FBXW11: variants seen among roughly 807,000 people sequenced by gnomAD.
The protein encoded by FBXW11 is F-box and WD repeat domain containing 11, also known as F-box/WD repeat-containing protein 11.
A neutral mutation model predicts 77.6 loss-of-function variants in FBXW11; 19 were observed. That is an observed-to-expected ratio of 0.24 (90% confidence interval 0.17 to 0.36). The LOEUF (loss-of-function observed/expected upper bound fraction) is 0.36, where lower values mean the gene tolerates loss of function less well. Ranked by LOEUF, FBXW11 falls within the 10% of genes least tolerant of loss-of-function variation. FBXW11 has a pLI of 1.00. For synonymous variants in FBXW11, 235 were observed against 249.4 expected (o/e 0.94, Z 0.54); for missense variants, 334 against 704.2 (o/e 0.47, Z 5.95).
chr5:171,964,215 C>T (rs1469933829), intron 1 of FBXW11, among the ~76,000 whole-genome samples: 2 of 152,224 alleles, frequency 1.3e-5, no homozygotes, highest in African/African-American at 4.8e-5. Context: ...CATACTCAGT[C>T]TAGGTCCTTT....
intron 2 of FBXW11, among the ~76,000 whole-genome samples, chr5:171,931,300 C>T (rs976390394): frequency 6.6e-6 from 1 of 152,192 alleles, no homozygotes; most frequent in Admixed American, 6.5e-5. Context: ...TACAAAACTA[C>T]AGTATTCACG....
chr5:171,870,897 C>A lies in FBXW11; in HGVS notation c.1341-39G>T, dbSNP rs770226444. 18 of 1,380,370 alleles carry A rather than the reference C, an allele frequency of 1.3e-5. No homozygotes were observed. In the East Asian group the frequency reaches 1.6e-4, roughly 12 times the overall value. 85.5% of individuals were successfully genotyped at this position (1,380,370 alleles called of 1,614,324 possible). On this transcript the variant is annotated intron_variant, in intron 10 of 13. Coordinates refer to ENST00000517395, the MANE Select transcript of FBXW11 (RefSeq NM_001378974.1). ...CAGACCTCTGTGAAACAAATTCCCA[C>A]ACACGATTCACACTATCCGTAAGTT...
intron 1 of FBXW11, among the ~76,000 whole-genome samples, chr5:171,960,139 G>A (rs1763830314): frequency 6.6e-6 from 1 of 152,200 alleles, no homozygotes; most frequent in African/African-American, 2.4e-5. Context: ...ACTTTGGGAG[G>A]CCGAGGTGGT....
rs753961974 is a variant in FBXW11 at position 171,925,431 on chromosome 5, CA to C, written c.148-11027del. ...TGTAAAAAACAAACAAACAAACAAA[CA>C]AAAAAAACAGTATCTGGCTAAAACG... On this transcript the variant is annotated intron_variant, in intron 2 of 13. Transcript: ENST00000517395. Among the ~76,000 whole-genome samples, 11 of 151,878 alleles carry C rather than the reference CA, an allele frequency of 7.2e-5. No homozygotes were observed. In the South Asian group the frequency reaches 1.0e-3, roughly 14 times the overall value.
chr5:171,987,320 A>G (rs562965971), intron 1 of FBXW11, among the ~76,000 whole-genome samples: 1 of 152,228 alleles, frequency 6.6e-6, no homozygotes, highest in Non-Finnish European at 1.5e-5. Flanking sequence ...CCAGATAGAC[A>G]ACAAACACCA....
At chr5:171,878,985 T>C (rs1758326338) in intron 7 of FBXW11, among the ~76,000 whole-genome samples, 1 of 152,130 alleles carries the variant, frequency 6.6e-6, no homozygotes, top group South Asian at 2.1e-4. Flanking sequence ...AATGAGAAAA[T>C]ATCATGCTTT....
At position 171,899,894 on chromosome 5, in the gene FBXW11, C is replaced by A; in HGVS notation, c.623+20G>T. Reference sequence around the variant, plus strand: ...TGTCAATAAAATTTTTTCAAGGGAACAAGCAACCCAAGTACTTACCACCCT... The same window carrying A: ...TGTCAATAAAATTTTTTCAAGGGAAAAAGCAACCCAAGTACTTACCACCCT... On this transcript the variant is annotated intron_variant, in intron 5 of 13. Coordinates refer to ENST00000517395, the MANE Select transcript of FBXW11 (RefSeq NM_001378974.1). The A allele has an allele frequency of 6.4e-7, 1 of 1,563,608 alleles. No individual in the cohort carries two copies. The highest frequency in any genetic ancestry group is 8.7e-7 in the Non-Finnish European group (1 of 1,153,528).
At chr5:171,952,420 TAC>T (rs1763373507) in intron 2 of FBXW11, among the ~76,000 whole-genome samples, 2 of 36,888 alleles carry the variant, frequency 5.4e-5, no homozygotes, top group African/African-American at 7.4e-5. Flanking sequence ...TGTGTGTACA[TAC>T]ATATATATAT....
intron 1 of FBXW11, among the ~76,000 whole-genome samples, chr5:171,998,991 G>GTA (rs1250749300): frequency 1.3e-5 from 2 of 152,038 alleles, no homozygotes; most frequent in African/African-American, 4.8e-5. Context: ...TGTTCATATT[G>GTA]TAGGTAAGGC....
intron 1 of FBXW11, among the ~76,000 whole-genome samples, chr5:171,989,651 G>T (rs143747352): frequency 6.6e-6 from 1 of 152,344 alleles, no homozygotes; most frequent in Non-Finnish European, 1.5e-5. Context: ...GCAAAGGAAG[G>T]AAAAGGGTAA....
At chr5:171,889,546 A>T (rs1191523924) in intron 7 of FBXW11, among the ~76,000 whole-genome samples, 1 of 130,532 alleles carries the variant, frequency 7.7e-6, no homozygotes, top group Non-Finnish European at 1.7e-5. Flanking sequence ...AAAAAAAAAA[A>T]AATTAAAATC....
At chr5:171,964,008 T>C (rs1329434167) in intron 1 of FBXW11, among the ~76,000 whole-genome samples, 1 of 152,172 alleles carries the variant, frequency 6.6e-6, no homozygotes, top group East Asian at 1.9e-4. Flanking sequence ...CTACAGACAA[T>C]GATGAGACAG....
At chr5:171,967,745 A>C (rs1310745400) in intron 1 of FBXW11, among the ~76,000 whole-genome samples, 1 of 151,658 alleles carries the variant, frequency 6.6e-6, no homozygotes, top group Admixed American at 6.6e-5. Flanking sequence ...AGGTTGAGGC[A>C]GGAGAATCGC....
intron 2 of FBXW11, among the ~76,000 whole-genome samples, chr5:171,944,927 C>T (rs546805817): frequency 3.6e-4 from 55 of 152,208 alleles, no homozygotes; most frequent in African/African-American, 1.3e-3. Context: ...CTTCACATTC[C>T]AGCTTATTAT....
At chr5:171,977,035 CAA>C (rs773469488) in intron 1 of FBXW11, among the ~76,000 whole-genome samples, 13 of 122,840 alleles carry the variant, frequency 1.1e-4, no homozygotes, top group Admixed American at 1.7e-4. Context: ...AACTCCAACT[CAA>C]AAAAAAAAAA....
intron 6 of FBXW11, among the ~76,000 whole-genome samples, chr5:171,898,629 T>G (rs573007193): frequency 2.4e-4 from 36 of 152,278 alleles, no homozygotes; most frequent in African/African-American, 8.7e-4. Flanking sequence ...AAACTTGAAA[T>G]GTGCCTTCTC....
intron 7 of FBXW11, among the ~76,000 whole-genome samples, chr5:171,889,804 C>T (rs1416669402): frequency 6.6e-6 from 1 of 151,990 alleles, no homozygotes; most frequent in Non-Finnish European, 1.5e-5. Context: ...AGGATAATCG[C>T]TCAAACCCGG....
intron 1 of FBXW11, among the ~76,000 whole-genome samples, chr5:171,992,246 A>G (rs936164276): frequency 5.3e-5 from 8 of 151,730 alleles, no homozygotes; most frequent in African/African-American, 1.9e-4. Flanking sequence ...TGGCCAACAT[A>G]GTGAAACCCC....
intron 1 of FBXW11, among the ~76,000 whole-genome samples, chr5:171,993,290 T>C (rs1765849582): frequency 6.6e-6 from 1 of 152,094 alleles, no homozygotes; most frequent in Admixed American, 6.6e-5. Flanking sequence ...AGCATATTAA[T>C]TAGGACCTAG....
Sources: allele counts gnomAD v4.1 joint callset (sites outside exome capture counted in the v4.1 genomes callset), GRCh38; gene constraint gnomAD v4.1.1; transcripts MANE v1.5; gene names NCBI Gene and HGNC (gene_info 2026-07-23, HGNC 2026-07-21).